Variants in BTBD7 observed in about 807,000 individuals in gnomAD.
BTBD7 encodes BTB domain containing 7.
In BTBD7, 38 loss-of-function variants were observed where a neutral mutation model predicts 99.9. That is an observed-to-expected ratio of 0.38 (90% CI 0.29 to 0.50). The LOEUF is 0.50. BTBD7 is among the 20% of genes least tolerant of loss of function. The pLI, the probability that BTBD7 is intolerant of heterozygous loss-of-function variation, is 0.93. For synonymous variants in BTBD7, 520 were observed against 511.4 expected (o/e 1.02, Z -0.23); for missense variants, 1,170 against 1,394.6 (o/e 0.84, Z 2.57).
intron 1 of BTBD7, among the ~76,000 whole-genome samples, chr14:93,315,119 A>T (rs1354285924): frequency 6.6e-6 from 1 of 152,164 alleles, no homozygotes; most frequent in African/African-American, 2.4e-5. Flanking sequence ...TCAGAAAACT[A>T]ATTTATATAT....
At chr14:93,243,134 A>G in intron 10 of BTBD7, 46 bp from the exon 11 acceptor site, 1 of 1,494,260 alleles carries the variant, frequency 6.7e-7, no homozygotes. Flanking sequence ...AAAAGGACCC[A>G]TCCTCTGTAG....
At position 93,238,036 on chromosome 14, in the gene BTBD7, T is replaced by G. The variant is rs2052180340; in HGVS notation, c.*4237A>C. On this transcript the variant is annotated 3_prime_UTR_variant, in exon 11 of 11. Transcript: ENST00000334746. ...CAGCCACCCCATCGAAGAGCAGGAC[T>G]TGGTACCGCCTGCCCATGTAACCCA... 1 of 152,450 alleles carries G rather than the reference T, an allele frequency of 6.6e-6. No homozygotes were observed. Among genetic ancestry groups the G allele is most frequent in the South Asian group, 2.1e-4 (1 of 4,834 alleles). The allele number at this position is 152,450 out of a possible 1,614,324, so 9.4% of individuals were successfully genotyped here.
intron 1 of BTBD7, among the ~76,000 whole-genome samples, chr14:93,324,760 G>C (rs1388247137): frequency 6.6e-6 from 1 of 152,160 alleles, no homozygotes; most frequent in Non-Finnish European, 1.5e-5. Context: ...GAGTTTACAG[G>C]GAAATGCCAT....
chr14:93,248,795 A>G (rs2052341300), intron 8 of BTBD7, 141 bp from the exon 9 acceptor site: 1 of 752,248 alleles, frequency 1.3e-6, no homozygotes, highest in Non-Finnish European at 2.0e-6. Flanking sequence ...CTGGGAACAC[A>G]TTCATTTATA....
chr14:93,320,261 C>G (rs926768362), intron 1 of BTBD7, among the ~76,000 whole-genome samples: 1 of 152,166 alleles, frequency 6.6e-6, no homozygotes, highest in Non-Finnish European at 1.5e-5. Flanking sequence ...TTGTTCTCCC[C>G]TTCCACCCTC....
At chr14:93,303,217 G>T (rs562340860) in intron 1 of BTBD7, among the ~76,000 whole-genome samples, 88 of 152,270 alleles carry the variant, frequency 5.8e-4, no homozygotes, top group African/African-American at 2.0e-3. Flanking sequence ...AACAGTCCAG[G>T]AAAGTAAGTG....
intron 8 of BTBD7, among the ~76,000 whole-genome samples, chr14:93,249,890 C>G (rs1261677924): frequency 6.6e-6 from 1 of 152,094 alleles, no homozygotes; most frequent in Middle Eastern, 3.2e-3. Flanking sequence ...AAGAAACTGA[C>G]TAGAGCAGTG....
intron 4 of BTBD7, among the ~76,000 whole-genome samples, chr14:93,262,292 C>T (rs138676175): frequency 0.013 from 1,978 of 152,218 alleles, 43 homozygotes; most frequent in African/African-American, 0.045. Context: ...GCCACCACGC[C>T]TGGCTAATTT....
intron 3 of BTBD7, among the ~76,000 whole-genome samples, chr14:93,264,882 C>T (rs2052525205): frequency 1.3e-5 from 2 of 152,288 alleles, no homozygotes; most frequent in African/African-American, 4.8e-5. Flanking sequence ...GGGCAGATCA[C>T]CTAAGGTCAG....
At chr14:93,309,157 TAC>T (rs2053107644) in intron 1 of BTBD7, among the ~76,000 whole-genome samples, 3 of 152,180 alleles carry the variant, frequency 2.0e-5, no homozygotes, top group Non-Finnish European at 2.9e-5. Flanking sequence ...AGAATGGGAA[TAC>T]AGTTTACCAA....
chr14:93,291,562 G>A (rs557207619), intron 3 of BTBD7, among the ~76,000 whole-genome samples: 7 of 152,118 alleles, frequency 4.6e-5, no homozygotes, highest in Non-Finnish European at 7.4e-5. Context: ...TCATGGGTAT[G>A]GGGGAAAGAT....
intron 10 of BTBD7, chr14:93,244,277 A>G: frequency 3.7e-6 from 1 of 269,234 alleles, no homozygotes; most frequent in Non-Finnish European, 7.5e-6. Context: ...AAGCATGCTG[A>G]ACCCAGAGAA....
At chr14:93,304,450 C>G (rs991940884) in intron 1 of BTBD7, among the ~76,000 whole-genome samples, 5 of 152,200 alleles carry the variant, frequency 3.3e-5, no homozygotes. Flanking sequence ...CATCCAGGTT[C>G]GAGCGATTCT....
chr14:93,263,293 T>C (rs2052509074), intron 4 of BTBD7, among the ~76,000 whole-genome samples: 1 of 152,254 alleles, frequency 6.6e-6, no homozygotes, highest in Non-Finnish European at 1.5e-5. Context: ...AAACTACTTC[T>C]GGTTAAAAAT....
chr14:93,259,141 G>A (rs1239269796), intron 5 of BTBD7, among the ~76,000 whole-genome samples: 1 of 152,152 alleles, frequency 6.6e-6, no homozygotes, highest in Non-Finnish European at 1.5e-5. Context: ...GAACCTCTGG[G>A]TACAACATTT....
At chr14:93,309,334 G>A (rs909934079) in intron 1 of BTBD7, among the ~76,000 whole-genome samples, 1 of 151,304 alleles carries the variant, frequency 6.6e-6, no homozygotes, top group Non-Finnish European at 1.5e-5. Context: ...AGTAGCTCAC[G>A]CCTGTAATTC....
intron 3 of BTBD7, among the ~76,000 whole-genome samples, chr14:93,269,354 G>A (rs2052576536): frequency 6.6e-6 from 1 of 152,204 alleles, no homozygotes; most frequent in African/African-American, 2.4e-5. Context: ...GATGCTGGCA[G>A]GGAAAGGCCA....
chr14:93,281,897 G>A (rs1410517968), intron 3 of BTBD7, among the ~76,000 whole-genome samples: 1 of 152,220 alleles, frequency 6.6e-6, no homozygotes, highest in Non-Finnish European at 1.5e-5. Flanking sequence ...AGTTTTACCA[G>A]AGAGTTATTA....
At chr14:93,318,064 C>T (rs529378831) in intron 1 of BTBD7, among the ~76,000 whole-genome samples, 1 of 152,284 alleles carries the variant, frequency 6.6e-6, no homozygotes, top group South Asian at 2.1e-4. Context: ...GCTGTAGTAA[C>T]TCTTAGCTGA....
Sources: allele counts gnomAD v4.1 joint callset (sites outside exome capture counted in the v4.1 genomes callset), GRCh38; gene constraint gnomAD v4.1.1; transcripts MANE v1.5; gene names NCBI Gene and HGNC (gene_info 2026-07-23, HGNC 2026-07-21).